The following PLIN1 variants were observed in gnomAD, a reference collection of about 807,000 sequenced individuals.
PLIN1 encodes perilipin 1.
Under a neutral mutation model 45.8 loss-of-function variants are expected in PLIN1, and 37 were observed. The observed-to-expected ratio is 0.81, with a 90% CI of 0.62 to 1.06. The LOEUF (loss-of-function observed/expected upper bound fraction) is 1.06. Ranked by LOEUF, PLIN1 falls within the 50% of genes least tolerant of loss-of-function variation. The pLI is 0.00. For missense variants in PLIN1, 776 were observed against 716.5 expected (o/e 1.08, Z -0.95); for synonymous variants, 340 against 309.2 (o/e 1.10, Z -1.05).
rs759726625 is a variant in PLIN1 at position 89,667,154 on chromosome 15, G to A, written c.991C>T (p.Leu331Phe). Residue 331 changes from leucine to phenylalanine, a missense_variant, in exon 8 of 9, where the codon CTC (leucine) becomes TTC (phenylalanine). Coordinates refer to ENST00000300055, the MANE Select transcript of PLIN1 (RefSeq NM_002666.5). ...AGGGTATGTGCCACACCACCCAGGAGGCCTCGAGGGCCTGGCAGGGCTGCT... is the reference window on the plus strand; with the variant it reads ...AGGGTATGTGCCACACCACCCAGGAAGCCTCGAGGGCCTGGCAGGGCTGCT... Reference protein sequence around the residue: ...EVAALPGPRGLLGGVAHTLQK... With the variant: ...EVAALPGPRGFLGGVAHTLQK... 11 of 1,613,694 alleles carry A rather than the reference G, an allele frequency of 6.8e-6. No homozygotes were observed. Among genetic ancestry groups the A allele is most frequent in the South Asian group, 5.5e-5 (5 of 91,064 alleles).
At chr15:89,670,527 T>A (rs1964424702) in intron 4 of PLIN1, among the ~76,000 whole-genome samples, 1 of 152,184 alleles carries the variant, frequency 6.6e-6, no homozygotes, top group Admixed American at 6.5e-5. Flanking sequence ...GGCTCGTCCT[T>A]GGTGCCACCT....
chr15:89,676,997 C>G lies in PLIN1; in HGVS notation c.45+448G>C, dbSNP rs150995332. 3.4e-4 allele frequency: 67 copies of G among 196,448 alleles called. No homozygotes were observed. In the East Asian group the frequency reaches 3.7e-3, roughly 11 times the overall value. 12.2% of individuals were successfully genotyped at this position (196,448 alleles called of 1,614,324 possible). On this transcript the variant is annotated intron_variant, in intron 2 of 8. Coordinates refer to ENST00000300055, the MANE Select transcript of PLIN1 (RefSeq NM_002666.5). ...AACACCAGACACATGGAATATCCCACCCTTCCCCCCACACAGCAGCACAGG... is the reference window on the plus strand; with the variant it reads ...AACACCAGACACATGGAATATCCCAGCCTTCCCCCCACACAGCAGCACAGG...
rs554297160 is a variant in PLIN1, at chr15:89,678,235, C to A, written c.-14-732G>T. On this transcript the variant is annotated intron_variant, in intron 1 of 8. Coordinates refer to ENST00000300055, the MANE Select transcript of PLIN1 (RefSeq NM_002666.5). ...TAAGAGTTCAGGTTAAGAGGCCAGG[C>A]GCGGTGGCTCAGGCCTGTAATCCCG... Among the ~76,000 whole-genome samples, 9 of 151,758 alleles carry A rather than the reference C, an allele frequency of 5.9e-5. No individual in the cohort carries two copies. The South Asian group carries it at 8.4e-4, about 14-fold the overall frequency.
intron 8 of PLIN1, among the ~76,000 whole-genome samples, chr15:89,666,702 G>A (rs762638385): frequency 6.6e-6 from 1 of 152,258 alleles, no homozygotes; most frequent in Non-Finnish European, 1.5e-5. Flanking sequence ...ACCAGCAGGT[G>A]GGAGGGGCCG....
intron 2 of PLIN1, among the ~76,000 whole-genome samples, chr15:89,676,457 C>G (rs8179053): frequency 0.026 from 3,907 of 152,232 alleles, 66 homozygotes; most frequent in African/African-American, 0.041. Flanking sequence ...CTGTGTTAGC[C>G]AGGATGGTCT....
chr15:89,673,178 G>A (rs1964463807), intron 3 of PLIN1, 32 bp downstream of exon 3: 2 of 1,480,992 alleles, frequency 1.4e-6, no homozygotes, highest in South Asian at 1.2e-5. Flanking sequence ...CAGTGAACAA[G>A]CAGGCAGCTG....
intron 7 of PLIN1, 129 bp downstream of exon 7, chr15:89,667,473 G>A: frequency 1.4e-6 from 2 of 1,406,968 alleles, no homozygotes; most frequent in Non-Finnish European, 2.0e-6. Context: ...TTGGGGGTGG[G>A]GTGAAGGGTG....
chr15:89,669,141 G>A (rs1011490243), intron 6 of PLIN1, among the ~76,000 whole-genome samples: 1 of 152,082 alleles, frequency 6.6e-6, no homozygotes, highest in Non-Finnish European at 1.5e-5. Flanking sequence ...AGCAGATGGA[G>A]GTCCTGCTGT....
Position 89,665,777 on chromosome 15 carries a change from C to T in PLIN1, c.1375G>A (p.Ala459Thr). The T allele has an allele frequency of 7.9e-7, 1 of 1,269,192 alleles. No homozygotes were observed. The highest frequency in any genetic ancestry group is 9.9e-7 in the Non-Finnish European group (1 of 1,012,638). 78.6% of individuals were successfully genotyped at this position (1,269,192 alleles called of 1,614,324 possible). A position where few individuals can be genotyped will look rare whatever the true frequency, so the allele number is the denominator to read the frequency against. ...LAQPRRSLRSAQSPGAPPGPG... is the reference protein window; with the variant it reads ...LAQPRRSLRSTQSPGAPPGPG... ...CCGGGGGGCGCGCCGGGGCTCTGCGCGCTGCGCAGGCTGCGGCGGGGCTGT... is the reference window on the plus strand; with the variant it reads ...CCGGGGGGCGCGCCGGGGCTCTGCGTGCTGCGCAGGCTGCGGCGGGGCTGT... The change falls in exon 9 of 9, where the codon GCG (alanine) becomes ACG (threonine). Residue 459 changes from alanine to threonine, a missense_variant. Ala to Thr is a moderately conservative substitution (Grantham distance 58). Coordinates refer to ENST00000300055, the MANE Select transcript of PLIN1 (RefSeq NM_002666.5).
Position 89,669,640 on chromosome 15 carries a change from A to T in PLIN1, c.631T>A (p.Ser211Thr). 6.2e-7 allele frequency: 1 copy of T among 1,613,850 alleles called. No individual in the cohort carries two copies. Among genetic ancestry groups the T allele is most frequent in the Non-Finnish European group, 8.5e-7 (1 of 1,179,960 alleles). The change falls in exon 6 of 9, where the codon TCT (serine) becomes ACT (threonine). Residue 211 changes from serine (S) to threonine (T), a missense_variant. Coordinates refer to ENST00000300055, the MANE Select transcript of PLIN1 (RefSeq NM_002666.5). ...AAGAGGCTTGGCTTGGCCTTGGGAG[A>T]CTTCTGGGCTTGCTGGTGTCCAGGA... ...PAPGHQQAQK[S>T]PKAKPSLLSR...
Position 89,665,881 on chromosome 15 carries a change from G to GC in PLIN1, c.1270dup (p.Ala424GlyfsTer142). 6.6e-7 allele frequency: 1 copy of GC among 1,525,364 alleles called. No individual in the cohort carries two copies. Among genetic ancestry groups the GC allele is most frequent in the Non-Finnish European group, 8.7e-7 (1 of 1,144,756 alleles). 94.5% of individuals were successfully genotyped at this position (1,525,364 alleles called of 1,614,324 possible). A position where few individuals can be genotyped will look rare whatever the true frequency, so the allele number is the denominator to read the frequency against. On this transcript the variant is annotated frameshift_variant, in exon 9 of 9. Coordinates refer to ENST00000300055, the MANE Select transcript of PLIN1 (RefSeq NM_002666.5). LOFTEE classifies it low-confidence loss of function (END_TRUNC). ...CTCCGCCTCCCGGCGCTCGACCTCG[G>GC]CTGGTGGGTTGTCGATGTCCCGGAA...
chr15:89,670,210 C>T lies in PLIN1; in HGVS notation c.368G>A (p.Arg123His), dbSNP rs375328191. The T allele has an allele frequency of 1.9e-5, 30 of 1,613,282 alleles. No individual in the cohort carries two copies. Among genetic ancestry groups the T allele is most frequent in the South Asian group, 1.8e-4 (16 of 90,870 alleles). ...GATGCTGTTTCTGGCACTGCGGAGG[C>T]GGGTGGAGATGGTGTCCTTCAGCTC... is the stretch of plus-strand genomic sequence containing the variant. ...ASELKDTIST[R>H]LRSARNSISV... The change falls in exon 5 of 9, where the codon CGC (arginine) becomes CAC (histidine). Residue 123 changes from arginine to histidine, a missense_variant. By Grantham distance (29) the Arg-to-His change is conservative (BLOSUM62 0). Transcript: ENST00000300055.
At position 89,673,390 on chromosome 15, in the gene PLIN1, C is replaced by G. The variant is rs1259225060; in HGVS notation, c.70G>C (p.Val24Leu). The change falls in exon 3 of 9, where the codon GTC becomes CTC. Residue 24 changes from valine (V) to leucine (L), a missense_variant. Transcript: ENST00000300055. ...LPEQENVLQR[V>L]LQLPVVSGTC... is the part of the protein sequence containing the mutation. ...CCACTCACCACCGGCAGCTGCAGGA[C>G]CCGCTGCAGCACATTCTCCTGCTCC... 3 of 1,602,746 alleles carry G rather than the reference C, an allele frequency of 1.9e-6. No individual in the cohort carries two copies. The South Asian group carries it at 3.4e-5, about 18-fold the overall frequency.
Position 89,673,251 on chromosome 15 carries a change from G to A in PLIN1, c.209C>T (p.Ala70Val). 2 of 1,579,316 alleles carry A rather than the reference G, an allele frequency of 1.3e-6. No homozygotes were observed. The highest frequency in any genetic ancestry group is 1.3e-5 in the African/African-American group (1 of 74,146). The change falls in exon 3 of 9, where the codon GCC becomes GTC. Residue 70 changes from alanine to valine, a missense_variant. By Grantham distance (64) the Ala-to-Val change is moderately conservative (BLOSUM62 0). Transcript: ENST00000300055. Reference protein sequence around the residue: ...KGVQSASSLAAWSMEPVVRRL... With the variant: ...KGVQSASSLAVWSMEPVVRRL... ...GCGGACCACCGGCTCCATGCTCCAGGCAGCCAAGCTACTGGCGCTCTGCAC... is the reference window on the plus strand; with the variant it reads ...GCGGACCACCGGCTCCATGCTCCAGACAGCCAAGCTACTGGCGCTCTGCAC...
chr15:89,665,764 C>T lies in PLIN1; in HGVS notation c.1388G>A (p.Gly463Asp). The T allele has an allele frequency of 7.8e-7, 1 of 1,278,142 alleles. No homozygotes were observed. Among genetic ancestry groups the T allele is most frequent in the Non-Finnish European group, 9.8e-7 (1 of 1,018,324 alleles). The allele number at this position is 1,278,142 out of a possible 1,614,324, so 79.2% of individuals were successfully genotyped here. Residue 463 changes from glycine to aspartate, a missense_variant, in exon 9 of 9, where the codon GGC becomes GAC. Physicochemically the swap from Gly to Asp is moderately conservative, Grantham distance 94. Coordinates refer to ENST00000300055, the MANE Select transcript of PLIN1 (RefSeq NM_002666.5). ...RRSLRSAQSP[G>D]APPGPGLEDE... is the part of the protein sequence containing the mutation. ...CTCCAGGCCCGGGCCGGGGGGCGCGCCGGGGCTCTGCGCGCTGCGCAGGCT... is the reference window on the plus strand; with the variant it reads ...CTCCAGGCCCGGGCCGGGGGGCGCGTCGGGGCTCTGCGCGCTGCGCAGGCT...
At chr15:89,676,193 C>T (rs1233675200) in intron 2 of PLIN1, among the ~76,000 whole-genome samples, 1 of 152,148 alleles carries the variant, frequency 6.6e-6, no homozygotes, top group Non-Finnish European at 1.5e-5. Flanking sequence ...CCATCAATGA[C>T]ACCTACATGT....
At position 89,664,764 on chromosome 15, in the gene PLIN1, T is replaced by G; in HGVS notation, c.*819A>C. The G allele has an allele frequency of 2.3e-6, 1 of 429,950 alleles. No individual in the cohort carries two copies. The highest frequency in any genetic ancestry group is 2.0e-5 in the African/African-American group (1 of 49,440). 26.6% of individuals were successfully genotyped at this position (429,950 alleles called of 1,614,324 possible). The stretch of plus-strand genomic sequence containing the variant: ...GCAATATTTGAATTCTGTAATTGTA[T>G]GAATGCATTTTCTAGATTTATCAAA... On this transcript the variant is annotated 3_prime_UTR_variant, in exon 9 of 9. Coordinates refer to ENST00000300055, the MANE Select transcript of PLIN1 (RefSeq NM_002666.5).
chr15:89,665,894 C>T lies in PLIN1; in HGVS notation c.1258G>A (p.Asp420Asn). Residue 420 changes from aspartate (D) to asparagine (N), a missense_variant, in exon 9 of 9, where the codon GAC becomes AAC. By Grantham distance (23) the Asp-to-Asn change is conservative. Transcript: ENST00000300055. ...MEPESEFRDI[D>N]NPPAEVERRE... ...CGCTCGACCTCGGCTGGTGGGTTGTCGATGTCCCGGAATTCGCTCTCGGGC... is the reference window on the plus strand; with the variant it reads ...CGCTCGACCTCGGCTGGTGGGTTGTTGATGTCCCGGAATTCGCTCTCGGGC... The T allele has an allele frequency of 1.3e-6, 2 of 1,534,222 alleles. No individual in the cohort carries two copies. Among genetic ancestry groups the T allele is most frequent in the Non-Finnish European group, 8.7e-7 (1 of 1,149,712 alleles).
intron 2 of PLIN1, among the ~76,000 whole-genome samples, chr15:89,675,953 T>C (rs1964509073): frequency 6.6e-6 from 1 of 152,100 alleles, no homozygotes; most frequent in South Asian, 2.1e-4. Flanking sequence ...GGCCACGAAT[T>C]CATGGTCTTC....
Sources: allele counts gnomAD v4.1 joint callset (sites outside exome capture counted in the v4.1 genomes callset), GRCh38; gene constraint gnomAD v4.1.1; transcripts MANE v1.5; gene names NCBI Gene and HGNC (gene_info 2026-07-23, HGNC 2026-07-21).